Variants in AGAP1 observed in about 807,000 individuals in gnomAD.
The protein encoded by AGAP1 is ArfGAP with GTPase domain, ankyrin repeat and PH domain 1, also known as arf-GAP with GTPase, ANK repeat and PH domain-containing protein 1.
AGAP1 carries 29 observed loss-of-function variants against 105.3 expected under a neutral mutation model. The observed-to-expected ratio is 0.28, with a 90% CI of 0.21 to 0.38. AGAP1 has a LOEUF of 0.38. Ranked by LOEUF, AGAP1 falls within the 10% of genes least tolerant of loss-of-function variation. The probability of loss-of-function intolerance (pLI) is 1.00; values close to 1 mark genes in which losing one functional copy is unlikely to be tolerated. For synonymous variants in AGAP1, 509 were observed against 485.9 expected, an observed-to-expected ratio of 1.05 and a Z score of -0.63; for missense variants, 998 against 1,165.1, an observed-to-expected ratio of 0.86 and a Z score of 2.09.
Position 236,105,199 on chromosome 2 carries a change from A to G in AGAP1, c.2115-14993A>G, listed in dbSNP as rs2059453627. On this transcript the variant is annotated intron_variant, in intron 16 of 17. Transcript: ENST00000304032. This position sits in a 1 kb window ranked among gnomAD's most constrained non-coding sequence, Gnocchi z 4.2. ...CTACAAGGAAAAGCAGTTAGATTCG[A>G]GCAAAGTGGTGAATTGGTCTGAATG... Among the ~76,000 whole-genome samples, 1 of 152,162 alleles carries G rather than the reference A, an allele frequency of 6.6e-6. No individual in the cohort carries two copies. The highest frequency in any genetic ancestry group is 1.5e-5 in the Non-Finnish European group (1 of 68,038).
intron 1 of AGAP1, among the ~76,000 whole-genome samples, chr2:235,673,785 A>G (rs1455910769): frequency 1.3e-5 from 2 of 152,244 alleles, no homozygotes; most frequent in African/African-American, 4.8e-5. Context: ...GAAAATATAA[A>G]GGAAATTAGA....
chr2:235,495,486 C>T (rs1247820434), intron 1 of AGAP1, among the ~76,000 whole-genome samples: 1 of 152,238 alleles, frequency 6.6e-6, no homozygotes, highest in Non-Finnish European at 1.5e-5. Context: ...AGAACCCTAC[C>T]AGGAGGGCAG....
At chr2:235,647,175 A>G (rs1456859803) in intron 1 of AGAP1, among the ~76,000 whole-genome samples, 2 of 152,106 alleles carry the variant, frequency 1.3e-5, no homozygotes, top group African/African-American at 4.8e-5. Flanking sequence ...GTTGACAGTA[A>G]TACAAGGTCA....
rs558737560 is a variant in AGAP1 at position 235,588,842 on chromosome 2, G to T, written c.163+93993G>T. The stretch of plus-strand genomic sequence containing the variant: ...TCCTTTACCCAGCACGTTGGGGATT[G>T]TGATTACTGACGAGACCTTTAAAGA... On this transcript the variant is annotated intron_variant, in intron 1 of 17. Coordinates refer to ENST00000304032, the MANE Select transcript of AGAP1 (RefSeq NM_001037131.3). 2.0e-5 allele frequency among the ~76,000 whole-genome samples: 3 copies of T among 152,306 alleles called. No homozygotes were observed. In the South Asian group the frequency reaches 6.2e-4, roughly 32 times the overall value.
chr2:235,876,408 G>C (rs1347688956), intron 9 of AGAP1, among the ~76,000 whole-genome samples: 1 of 152,112 alleles, frequency 6.6e-6, no homozygotes, highest in Non-Finnish European at 1.5e-5. Context: ...CGGCCCTTGC[G>C]TGCTAAACCT....
chr2:235,833,539 C>A lies in AGAP1; in HGVS notation c.1050+26208C>A, dbSNP rs1193060677. Among the ~76,000 whole-genome samples, 5 of 151,548 alleles carry A rather than the reference C, an allele frequency of 3.3e-5. No individual in the cohort carries two copies. In the East Asian group the frequency reaches 9.7e-4, roughly 29 times the overall value. ...TGCTCACCTTGACTCTCCTCATCACCCCGCCCCCTCCTCAGAGTGCTTGCT... is the reference window on the plus strand; with the variant it reads ...TGCTCACCTTGACTCTCCTCATCACACCGCCCCCTCCTCAGAGTGCTTGCT... On this transcript the variant is annotated intron_variant, in intron 9 of 17. Transcript: ENST00000304032.
intron 9 of AGAP1, among the ~76,000 whole-genome samples, chr2:235,833,096 G>A (rs1297971111): frequency 6.6e-6 from 1 of 151,802 alleles, no homozygotes; most frequent in South Asian, 2.1e-4. Flanking sequence ...GAGACAAGCC[G>A]GAGAGCAGCT....
In AGAP1 at chr2:235,664,336, C is replaced by A. The variant is rs1280495401; in HGVS notation, c.164-44843C>A. 6.6e-6 allele frequency among the ~76,000 whole-genome samples: 1 copy of A among 152,046 alleles called. No homozygotes were observed. Among genetic ancestry groups the A allele is most frequent in the Non-Finnish European group, 1.5e-5 (1 of 68,024 alleles). On this transcript the variant is annotated intron_variant, in intron 1 of 17. Transcript: ENST00000304032. The surrounding 1 kb of genome is among the most constrained non-coding windows in gnomAD (Gnocchi z 5.7). ...AAGCGATTTCCCTACCTCAGCCCCC[C>A]AGGTAGCTGGGATTACAGGTGCACA...
rs373781245 is a variant in AGAP1, at chr2:235,883,361, G to A, written c.1067G>A (p.Arg356Gln). The change falls in exon 10 of 18, where the codon CGA becomes CAA. Residue 356 changes from arginine to glutamine, a missense_variant. Around this residue, in one of 3 missense-constraint regions of AGAP1, gnomAD observed 735 missense variants for 833.4 expected, o/e 0.88. Transcript: ENST00000304032. The surrounding 1 kb of genome is among the most constrained non-coding windows in gnomAD (Gnocchi z 4.5). ...IPIKQGMLLK[R>Q]SGKSLNKEWK... ...CCCTTGTAGGGCATGCTGTTGAAGC[G>A]AAGTGGCAAATCGTTGAATAAAGAG... The A allele has an allele frequency of 3.5e-5, 56 of 1,614,016 alleles. 1 individual carries two copies. Among genetic ancestry groups the A allele is most frequent in the East Asian group, 2.5e-4 (11 of 44,874 alleles).
At chr2:235,742,128 TC>T (rs1952628995) in intron 4 of AGAP1, among the ~76,000 whole-genome samples, 1 of 152,228 alleles carries the variant, frequency 6.6e-6, no homozygotes, top group Non-Finnish European at 1.5e-5. Flanking sequence ...TCAGACATTT[TC>T]TTGGCATTAT....
Position 235,873,590 on chromosome 2 carries a change from C to T in AGAP1, c.1051-9755C>T, listed in dbSNP as rs566457583. ...GCATTAAATCCACAGCTGGGGAGTC[C>T]GGGCTTTCCCAGGATTGGGGCCCTT... On this transcript the variant is annotated intron_variant, in intron 9 of 17. Transcript: ENST00000304032. Among the ~76,000 whole-genome samples the T allele has an allele frequency of 1.2e-3, 190 of 152,248 alleles. 3 individuals are homozygous for T. The South Asian group carries it at 0.037, about 30-fold the overall frequency.
intron 1 of AGAP1, among the ~76,000 whole-genome samples, chr2:235,497,448 A>C (rs1941366356): frequency 6.6e-6 from 1 of 152,212 alleles, no homozygotes. Flanking sequence ...CATCATAACA[A>C]ATGGCTCAAA....
chr2:235,967,619 A>T lies in AGAP1; in HGVS notation c.1484-843A>T, dbSNP rs990266319. Reference sequence around the variant, plus strand: ...CAGAACTCTGACTTTGGACTTAAAGATGCTGAATCGTGAAATAAAAACTTT... The same window carrying T: ...CAGAACTCTGACTTTGGACTTAAAGTTGCTGAATCGTGAAATAAAAACTTT... On this transcript the variant is annotated intron_variant, in intron 12 of 17. Coordinates refer to ENST00000304032, the MANE Select transcript of AGAP1 (RefSeq NM_001037131.3). The surrounding 1 kb of genome is among the most constrained non-coding windows in gnomAD (Gnocchi z 4.7). 1.6e-4 allele frequency among the ~76,000 whole-genome samples: 24 copies of T among 152,238 alleles called. No individual in the cohort carries two copies. Among genetic ancestry groups the T allele is most frequent in the African/African-American group, 5.8e-4 (24 of 41,462 alleles).
rs1030759382 is a variant in AGAP1, at chr2:235,631,330, G to T, written c.164-77849G>T. 8.5e-5 allele frequency among the ~76,000 whole-genome samples: 13 copies of T among 152,142 alleles called. No homozygotes were observed. The highest frequency in any genetic ancestry group is 3.1e-4 in the African/African-American group (13 of 41,434). On this transcript the variant is annotated intron_variant, in intron 1 of 17. Transcript: ENST00000304032. The surrounding 1 kb of genome is among the most constrained non-coding windows in gnomAD (Gnocchi z 5.4). ...GTTCAACTGAAAAGTCAAGCATGGC[G>T]CAAGGAAGGACGATGGATTAGCCAA... is the stretch of plus-strand genomic sequence containing the variant.
intron 1 of AGAP1, among the ~76,000 whole-genome samples, chr2:235,565,636 G>C (rs1365927075): frequency 6.6e-6 from 1 of 152,184 alleles, no homozygotes; most frequent in Non-Finnish European, 1.5e-5. Context: ...AATACCAAAA[G>C]CTTCTCATGT....
intron 6 of AGAP1, among the ~76,000 whole-genome samples, chr2:235,776,274 T>C (rs1343995862): frequency 6.6e-6 from 1 of 152,136 alleles, no homozygotes; most frequent in Non-Finnish European, 1.5e-5. Context: ...TGGTCAGGAC[T>C]GGTGTTGCCT....
chr2:235,621,374 G>A lies in AGAP1; in HGVS notation c.164-87805G>A. Among the ~76,000 whole-genome samples the A allele has an allele frequency of 6.6e-6, 1 of 152,124 alleles. No homozygotes were observed. The highest frequency in any genetic ancestry group is 1.9e-4 in the East Asian group (1 of 5,186). ...TTTCTTCATATGTTTCAATAAAATG[G>A]GTATGTTAACAGTCTCTACCTCCCA... On this transcript the variant is annotated intron_variant, in intron 1 of 17. Transcript: ENST00000304032. This position sits in a 1 kb window ranked among gnomAD's most constrained non-coding sequence, Gnocchi z 4.1.
chr2:235,538,622 T>G (rs928743668), intron 1 of AGAP1, among the ~76,000 whole-genome samples: 13 of 152,042 alleles, frequency 8.6e-5, no homozygotes, highest in Admixed American at 3.9e-4. Context: ...AACTCCAGTC[T>G]CCGCCACGGA....
At position 235,893,959 on chromosome 2, in the gene AGAP1, T is replaced by C. The variant is rs1190496053; in HGVS notation, c.1155+10510T>C. Among the ~76,000 whole-genome samples the C allele has an allele frequency of 6.6e-6, 1 of 152,038 alleles. No individual in the cohort carries two copies. The highest frequency in any genetic ancestry group is 1.5e-5 in the Non-Finnish European group (1 of 68,018). On this transcript the variant is annotated intron_variant, in intron 10 of 17. Transcript: ENST00000304032. The surrounding 1 kb of genome is among the most constrained non-coding windows in gnomAD (Gnocchi z 4.7). ...ACAACATGACCTCCCTAAACTGACA[T>C]AGGGTTGGGTGAACACACACACACA...
Sources: gnomAD v4.1 joint callset for allele counts (sites outside exome capture counted in the v4.1 genomes callset) on GRCh38, gnomAD v4.1.1 for gene constraint, gnomAD v4.1.1 regional missense constraint, Gnocchi (gnomAD v3.1) non-coding constraint, MANE v1.5 for transcripts, NCBI Gene and HGNC (gene_info 2026-07-23, HGNC 2026-07-21) for gene names.